STAG1: variants seen among roughly 807,000 people sequenced by gnomAD.
STAG1 encodes the protein STAG1 cohesin complex component, also known as cohesin subunit SA-1.
In STAG1, 26 loss-of-function variants were observed where a neutral mutation model predicts 170.9. The observed-to-expected ratio is 0.15, with a 90% confidence interval of 0.11 to 0.21. STAG1 has a LOEUF of 0.21. Ranked by LOEUF, STAG1 falls within the 10% of genes least tolerant of loss-of-function variation. The pLI is 1.00. For missense variants in STAG1, 964 were observed against 1,509.5 expected (o/e 0.64, Z 5.99); for synonymous variants, 514 against 497.7 (o/e 1.03, Z -0.44).
chr3:136,510,273 A>G (rs568203291), intron 7 of STAG1, among the ~76,000 whole-genome samples: 3 of 152,234 alleles, frequency 2.0e-5, no homozygotes, highest in South Asian at 4.2e-4. Context: ...TCTTCTCATG[A>G]TAGTGAGTTC....
chr3:136,371,574 G>A (rs891221473), intron 23 of STAG1, among the ~76,000 whole-genome samples: 2 of 152,120 alleles, frequency 1.3e-5, no homozygotes, highest in Admixed American at 1.3e-4. Context: ...TTCTACATAT[G>A]GCTAGCCAGT....
chr3:136,701,258 CCTT>C (rs1340345688), intron 1 of STAG1, among the ~76,000 whole-genome samples: 2 of 152,030 alleles, frequency 1.3e-5, no homozygotes, highest in African/African-American at 4.8e-5. Context: ...TGAATATTGT[CCTT>C]ATTTTTTAAT....
At chr3:136,339,766 T>TA (rs1285196118) in intron 32 of STAG1, among the ~76,000 whole-genome samples, 3 of 152,188 alleles carry the variant, frequency 2.0e-5, no homozygotes, top group African/African-American at 7.2e-5. Context: ...GAAAAAAACA[T>TA]AAACACCATG....
At chr3:136,602,393 AAAAG>A (rs1302013963) in intron 4 of STAG1, among the ~76,000 whole-genome samples, 1 of 151,914 alleles carries the variant, frequency 6.6e-6, no homozygotes, top group Non-Finnish European at 1.5e-5. Context: ...AAAAAAAAAA[AAAAG>A]AGAGAGAGAG....
chr3:136,642,003 T>C (rs75258125), intron 1 of STAG1, among the ~76,000 whole-genome samples: 1 of 151,946 alleles, frequency 6.6e-6, no homozygotes, highest in African/African-American at 2.4e-5. Context: ...GAAAAAGAGG[T>C]GAGGTACTTT....
At chr3:136,724,162 G>C (rs12736542) in intron 1 of STAG1, among the ~76,000 whole-genome samples, 106 of 148,866 alleles carry the variant, frequency 7.1e-4, no homozygotes, top group African/African-American at 8.2e-4. Flanking sequence ...GAATAGAGGA[G>C]GGGAGAAAGG....
intron 21 of STAG1, among the ~76,000 whole-genome samples, chr3:136,405,110 AAT>A (rs1560091677): frequency 6.6e-6 from 1 of 152,116 alleles, no homozygotes; most frequent in Non-Finnish European, 1.5e-5. Context: ...AGACTGGGTT[AAT>A]ATGAGCGACA....
intron 13 of STAG1, among the ~76,000 whole-genome samples, chr3:136,455,782 G>T: frequency 6.6e-6 from 1 of 152,192 alleles, no homozygotes; most frequent in Non-Finnish European, 1.5e-5. Flanking sequence ...CCTTGGCCTG[G>T]AAACAACTAA....
intron 14 of STAG1, among the ~76,000 whole-genome samples, chr3:136,449,292 G>A (rs1448160298): frequency 6.6e-6 from 1 of 152,166 alleles, no homozygotes; most frequent in African/African-American, 2.4e-5. Context: ...CAGGCGTGGT[G>A]GCTCACGCCT....
In STAG1 at chr3:136,741,873, A is replaced by G. The variant is rs77357205; in HGVS notation, c.-84+10322T>C. On this transcript the variant is annotated intron_variant, in intron 1 of 33. Coordinates refer to ENST00000383202, the MANE Select transcript of STAG1 (RefSeq NM_005862.3). The stretch of plus-strand genomic sequence containing the variant: ...AGGTAGAAAAAGATATATTATGGAA[A>G]CAGTAAGCTCAAGATCGCTGGAGTG... 6.5e-3 allele frequency among the ~76,000 whole-genome samples: 995 copies of G among 152,308 alleles called. 12 individuals are homozygous for G. Among genetic ancestry groups the G allele is most frequent in the African/African-American group, 0.023 (946 of 41,558 alleles).
intron 5 of STAG1, among the ~76,000 whole-genome samples, chr3:136,543,446 C>T (rs565111024): frequency 7.9e-5 from 12 of 152,020 alleles, no homozygotes; most frequent in Non-Finnish European, 1.8e-4. Context: ...GCACAAAAGA[C>T]GGAATATAAG....
intron 9 of STAG1, among the ~76,000 whole-genome samples, chr3:136,488,818 C>T (rs2090067107): frequency 6.6e-6 from 1 of 152,140 alleles, no homozygotes; most frequent in Admixed American, 6.6e-5. Flanking sequence ...TACAACATAT[C>T]TTTTGATATA....
chr3:136,705,289 A>G (rs1008180422), intron 1 of STAG1, among the ~76,000 whole-genome samples: 3 of 152,084 alleles, frequency 2.0e-5, no homozygotes, highest in African/African-American at 7.2e-5. Context: ...AGTAAGATTT[A>G]GCCCAAGAAT....
intron 4 of STAG1, among the ~76,000 whole-genome samples, chr3:136,570,582 T>A (rs1443600411): frequency 1.3e-5 from 2 of 152,208 alleles, no homozygotes; most frequent in South Asian, 2.1e-4. Flanking sequence ...CACACACGCA[T>A]CAAGGCTTAG....
At chr3:136,650,158 C>G (rs770787682) in intron 1 of STAG1, among the ~76,000 whole-genome samples, 8 of 151,270 alleles carry the variant, frequency 5.3e-5, no homozygotes, top group Non-Finnish European at 1.2e-4. Flanking sequence ...ATGGCTGAAG[C>G]CCAGGCAGTC....
chr3:136,537,255 A>G (rs1221333381), intron 6 of STAG1, among the ~76,000 whole-genome samples: 2 of 152,164 alleles, frequency 1.3e-5, no homozygotes, highest in Admixed American at 6.5e-5. Flanking sequence ...TTTATCTACA[A>G]AAAGAAAGAA....
chr3:136,565,154 G>A (rs1008544761), intron 5 of STAG1, among the ~76,000 whole-genome samples: 1 of 149,694 alleles, frequency 6.7e-6, no homozygotes, highest in Non-Finnish European at 1.5e-5. Flanking sequence ...GGAAAGAGAA[G>A]GGAAAGGGAA....
At chr3:136,729,582 T>G (rs1469015667) in intron 1 of STAG1, among the ~76,000 whole-genome samples, 1 of 145,636 alleles carries the variant, frequency 6.9e-6, no homozygotes, top group Non-Finnish European at 1.5e-5. Flanking sequence ...TTTTTTTTTT[T>G]TTTTTTTTTT....
chr3:136,693,725 T>A (rs1477636008), intron 1 of STAG1, among the ~76,000 whole-genome samples: 1 of 151,904 alleles, frequency 6.6e-6, no homozygotes, highest in Non-Finnish European at 1.5e-5. Flanking sequence ...CACACCCCCA[T>A]ACTCAGCTAA....
Sources: gnomAD v4.1 joint callset for allele counts (sites outside exome capture counted in the v4.1 genomes callset) on GRCh38, gnomAD v4.1.1 for gene constraint, MANE v1.5 for transcripts, NCBI Gene and HGNC (gene_info 2026-07-23, HGNC 2026-07-21) for gene names.